The following KIF1B variants were observed in gnomAD, a reference collection of about 807,000 sequenced individuals.
The protein encoded by KIF1B is kinesin family member 1B, also known as kinesin-like protein KIF1B.
A neutral mutation model predicts 241.9 loss-of-function variants in KIF1B; 76 were observed. The ratio of observed to expected loss-of-function variants is 0.31; its 90% CI spans 0.26 to 0.38. The LOEUF is 0.38. Ranked by LOEUF, KIF1B falls within the 10% of genes least tolerant of loss-of-function variation. The probability of loss-of-function intolerance (pLI) is 1.00; values close to 1 mark genes in which losing one functional copy is unlikely to be tolerated. For synonymous variants in KIF1B, 750 were observed against 796.7 expected, an observed-to-expected ratio of 0.94 and a Z score of 0.99; for missense variants, 1,622 against 2,271.4, an observed-to-expected ratio of 0.71 and a Z score of 5.81.
intron 1 of KIF1B, among the ~76,000 whole-genome samples, chr1:10,221,534 C>T (rs1188393822): frequency 6.6e-6 from 1 of 152,052 alleles, no homozygotes; most frequent in African/African-American, 2.4e-5. Flanking sequence ...TTTTGGGGGG[C>T]CATTTTATCA....
At chr1:10,363,476 G>A in intron 41 of KIF1B, 132 bp downstream of exon 41, 1 of 735,672 alleles carries the variant, frequency 1.4e-6, no homozygotes, top group Non-Finnish European at 2.4e-6. Flanking sequence ...TGGATCACCT[G>A]AGTCCAGGAG....
In KIF1B at chr1:10,212,919, T is replaced by C. The variant is rs1022350357; in HGVS notation, c.-80+2041T>C. Among the ~76,000 whole-genome samples, 629 of 122,516 alleles carry C rather than the reference T, an allele frequency of 5.1e-3. 6 individuals carry two copies. The highest frequency in any genetic ancestry group is 0.015 in the South Asian group (61 of 4,186). The allele number at this position is 122,516 out of a possible 152,430, so 80.4% of individuals were successfully genotyped here. ...ATATATATATATATATATATATATA[T>C]ATATATATATATACACACACACATT... On this transcript the variant is annotated intron_variant, in intron 1 of 48. Transcript: ENST00000676179.
chr1:10,283,620 A>G (rs1649543861), intron 15 of KIF1B, among the ~76,000 whole-genome samples: 1 of 152,336 alleles, frequency 6.6e-6, no homozygotes, highest in South Asian at 2.1e-4. Flanking sequence ...CCTGCCACCC[A>G]TCAGATGACT....
chr1:10,324,121 A>G (rs1409910222), intron 25 of KIF1B, 59 bp downstream of exon 25: 5 of 1,065,906 alleles, frequency 4.7e-6, no homozygotes, highest in Non-Finnish European at 7.0e-6. Flanking sequence ...TGACCTGCTC[A>G]AGTGAGCTCC....
chr1:10,214,650 T>A (rs561120196), intron 1 of KIF1B, among the ~76,000 whole-genome samples: 27 of 150,610 alleles, frequency 1.8e-4, no homozygotes, highest in African/African-American at 6.6e-4. Flanking sequence ...TGGTGTGATC[T>A]TGGCTCACTG....
At chr1:10,324,119 T>TTG in intron 25 of KIF1B, 57 bp downstream of exon 25, 11 of 1,459,196 alleles carry the variant, frequency 7.5e-6, no homozygotes, top group Non-Finnish European at 1.0e-5. Context: ...AATGACCTGC[T>TTG]CAAGTGAGCT....
chr1:10,363,158 TAAG>T, intron 40 of KIF1B, 122 bp from the exon 41 acceptor site: 1 of 714,878 alleles, frequency 1.4e-6, no homozygotes, highest in Non-Finnish European at 2.4e-6. Flanking sequence ...CGGTGACAAA[TAAG>T]AAATGCCTGG....
chr1:10,218,694 T>G (rs1263180553), intron 1 of KIF1B, among the ~76,000 whole-genome samples: 1 of 152,218 alleles, frequency 6.6e-6, no homozygotes, highest in Non-Finnish European at 1.5e-5. Context: ...GTGTTGGGAT[T>G]ATACGCGTGA....
intron 1 of KIF1B, among the ~76,000 whole-genome samples, chr1:10,229,867 C>CAAAAAAAAAAAAAA (rs58923572): frequency 2.3e-4 from 13 of 56,474 alleles, no homozygotes; most frequent in African/African-American, 8.3e-4. Flanking sequence ...GACTCCGTCT[C>CAAAAAAAAAAAAAA]AAAAAAAAAA....
chr1:10,245,907 C>T (rs189500776), intron 2 of KIF1B, among the ~76,000 whole-genome samples: 23 of 152,264 alleles, frequency 1.5e-4, no homozygotes, highest in Admixed American at 1.5e-3. Context: ...CTTCCTTCCT[C>T]CCAGGTTGGT....
At chr1:10,353,709 T>C (rs1179540851) in intron 38 of KIF1B, among the ~76,000 whole-genome samples, 1 of 152,212 alleles carries the variant, frequency 6.6e-6, no homozygotes, top group Admixed American at 6.5e-5. Context: ...TCTTGTATTA[T>C]AGTTTACCAT....
chr1:10,226,637 A>G (rs1444690476), intron 1 of KIF1B, among the ~76,000 whole-genome samples: 1 of 152,194 alleles, frequency 6.6e-6, no homozygotes, highest in Non-Finnish European at 1.5e-5. Flanking sequence ...ATATCATCTA[A>G]TACCCAGCCT....
chr1:10,305,890 C>G, intron 22 of KIF1B: 2 of 1,052,958 alleles, frequency 1.9e-6, no homozygotes, highest in Non-Finnish European at 2.3e-6. Flanking sequence ...CCAGAGATGT[C>G]CGAAATTGCC....
Position 10,379,237 on chromosome 1 carries a change from T to C in KIF1B, c.*2650T>C, listed in dbSNP as rs781438004. 7 of 232,154 alleles carry C rather than the reference T, an allele frequency of 3.0e-5. No homozygotes were observed. Among genetic ancestry groups the C allele is most frequent in the Non-Finnish European group, 6.0e-5 (7 of 117,126 alleles). 14.4% of individuals were successfully genotyped at this position (232,154 alleles called of 1,614,324 possible). Reference sequence around the variant, plus strand: ...GATACACTGAAATGACTTTTGTTTTTCTTCTAACTCATACAAAACTGGTTT... The same window carrying C: ...GATACACTGAAATGACTTTTGTTTTCCTTCTAACTCATACAAAACTGGTTT... On this transcript the variant is annotated 3_prime_UTR_variant, in exon 49 of 49. Transcript: ENST00000676179.
At chr1:10,268,104 C>G in intron 6 of KIF1B, 48 bp from the exon 7 acceptor site, 1 of 1,240,456 alleles carries the variant, frequency 8.1e-7, no homozygotes, top group African/African-American at 1.6e-5. Context: ...CATTTCAACT[C>G]TCATCTAAGA....
intron 22 of KIF1B, chr1:10,299,016 T>G (rs1166783600): frequency 6.7e-6 from 1 of 149,512 alleles, no homozygotes; most frequent in African/African-American, 2.5e-5. Flanking sequence ...ACAGAGAAGA[T>G]TAGCATGGCC....
intron 27 of KIF1B, among the ~76,000 whole-genome samples, chr1:10,327,762 T>C (rs1179224928): frequency 1.3e-5 from 2 of 152,198 alleles, no homozygotes; most frequent in African/African-American, 4.8e-5. Context: ...GGTTTAAAAG[T>C]ATTAAATTTA....
chr1:10,267,252 G>A (rs936798241), intron 5 of KIF1B, 128 bp from the exon 6 acceptor site: 7 of 732,238 alleles, frequency 9.6e-6, no homozygotes, highest in Middle Eastern at 3.7e-4. Context: ...CTCGTAGTTC[G>A]AGTGATCTCA....
At chr1:10,280,514 G>A (rs546211653) in intron 14 of KIF1B, among the ~76,000 whole-genome samples, 2 of 152,306 alleles carry the variant, frequency 1.3e-5, no homozygotes, top group East Asian at 1.9e-4. Flanking sequence ...CATTACAGGT[G>A]TGAGCCATCA....
Sources: gnomAD v4.1 joint callset for allele counts (sites outside exome capture counted in the v4.1 genomes callset) on GRCh38, gnomAD v4.1.1 for gene constraint, MANE v1.5 for transcripts, NCBI Gene and HGNC (gene_info 2026-07-23, HGNC 2026-07-21) for gene names.